The following HAPLN1 variants were observed in gnomAD, a reference collection of about 807,000 sequenced individuals.
The protein encoded by HAPLN1 is hyaluronan and proteoglycan link protein 1.
Under a neutral mutation model 36.5 loss-of-function variants are expected in HAPLN1, and 13 were observed. The ratio of observed to expected loss-of-function variants is 0.36; its 90% CI spans 0.23 to 0.57. HAPLN1 has a LOEUF of 0.57. Among genes scored for constraint, HAPLN1 ranks in the 20% least tolerant of loss-of-function variants. The pLI is 0.83. For missense variants in HAPLN1, 407 were observed against 439.7 expected, an observed-to-expected ratio of 0.93 and a Z score of 0.66; for synonymous variants, 202 against 169.8, an observed-to-expected ratio of 1.19 and a Z score of -1.48.
At chr5:83,712,447 G>A (rs2112639735) in intron 1 of HAPLN1, among the ~76,000 whole-genome samples, 1 of 152,088 alleles carries the variant, frequency 6.6e-6, no homozygotes, top group East Asian at 1.9e-4. Context: ...AATATACATT[G>A]ATGGCATTCT....
At chr5:83,689,813 C>T (rs1013479961) in intron 1 of HAPLN1, among the ~76,000 whole-genome samples, 2 of 152,098 alleles carry the variant, frequency 1.3e-5, no homozygotes, top group Non-Finnish European at 2.9e-5. Flanking sequence ...TTTACACACA[C>T]ATGCCCCAAA....
intron 3 of HAPLN1, among the ~76,000 whole-genome samples, chr5:83,645,603 T>C (rs1749850880): frequency 6.6e-6 from 1 of 151,840 alleles, no homozygotes; most frequent in Non-Finnish European, 1.5e-5. Flanking sequence ...TAAAGTGGAC[T>C]CCTTTGCATA....
intron 1 of HAPLN1, among the ~76,000 whole-genome samples, chr5:83,720,150 A>G (rs556577454): frequency 6.6e-6 from 1 of 152,240 alleles, no homozygotes; most frequent in Non-Finnish European, 1.5e-5. Context: ...TTTAACAGTA[A>G]TCTTAACTAT....
intron 1 of HAPLN1, among the ~76,000 whole-genome samples, chr5:83,700,716 G>T (rs1751489528): frequency 6.6e-6 from 1 of 151,138 alleles, no homozygotes; most frequent in Admixed American, 6.6e-5. Flanking sequence ...GACTAAGCTA[G>T]GTTTCAATTT....
intron 2 of HAPLN1, among the ~76,000 whole-genome samples, chr5:83,665,025 A>T (rs1348781864): frequency 6.6e-6 from 1 of 152,238 alleles, no homozygotes; most frequent in Non-Finnish European, 1.5e-5. Context: ...AAATAATCAT[A>T]TGCAGATTTT....
intron 1 of HAPLN1, among the ~76,000 whole-genome samples, chr5:83,704,741 C>T (rs1751588805): frequency 6.6e-6 from 1 of 151,972 alleles, no homozygotes; most frequent in Non-Finnish European, 1.5e-5. Flanking sequence ...ATAGGAGCAC[C>T]CAGATTCATA....
chr5:83,652,831 T>A lies in HAPLN1; in HGVS notation c.101-7A>T, dbSNP rs755660679. 2.6e-6 allele frequency: 4 copies of A among 1,555,712 alleles called. No individual in the cohort carries two copies. The highest frequency in any genetic ancestry group is 2.1e-5 in the Admixed American group (1 of 47,088). On this transcript the variant is annotated splice_region_variant and splice_polypyrimidine_tract_variant and intron_variant, in intron 2 of 4. Coordinates refer to ENST00000274341, the MANE Select transcript of HAPLN1 (RefSeq NM_001884.4). ...AGATGGGGGCCATTTTCTGCTATAA[T>A]TAAAAAGGAAAAAAAAAAGAAAATA...
chr5:83,645,750 C>T (rs1432155561), intron 3 of HAPLN1, among the ~76,000 whole-genome samples: 1 of 151,300 alleles, frequency 6.6e-6, no homozygotes, highest in African/African-American at 2.4e-5. Flanking sequence ...TATTTTTTTT[C>T]CCTGCCCTTA....
At chr5:83,662,730 T>C (rs1750439485) in intron 2 of HAPLN1, among the ~76,000 whole-genome samples, 1 of 152,216 alleles carries the variant, frequency 6.6e-6, no homozygotes, top group Non-Finnish European at 1.5e-5. Context: ...TTGTTGGAAA[T>C]GTGCCTTGAT....
chr5:83,667,830 A>G (rs575566143), intron 2 of HAPLN1, among the ~76,000 whole-genome samples: 6 of 152,350 alleles, frequency 3.9e-5, no homozygotes, highest in Admixed American at 2.6e-4. Context: ...TGTAAATCCA[A>G]TACTCTTCAA....
chr5:83,660,817 C>T (rs1216473472), intron 2 of HAPLN1, among the ~76,000 whole-genome samples: 2 of 152,122 alleles, frequency 1.3e-5, no homozygotes, highest in African/African-American at 4.8e-5. Context: ...GTTTCCTCAT[C>T]AGTAAATGGA....
At chr5:83,719,549 A>T (rs185497577) in intron 1 of HAPLN1, among the ~76,000 whole-genome samples, 1 of 152,356 alleles carries the variant, frequency 6.6e-6, no homozygotes. Flanking sequence ...GGTATACATT[A>T]TATTTTACTG....
Position 83,673,531 on chromosome 5 carries a change from G to A in HAPLN1, c.-8C>T. 1 of 1,599,628 alleles carries A rather than the reference G, an allele frequency of 6.3e-7. No individual in the cohort carries two copies. The highest frequency in any genetic ancestry group is 8.6e-7 in the Non-Finnish European group (1 of 1,167,322). Reference sequence around the variant, plus strand: ...AAGAAGTAGACTCTTCATCTTTATAGCCCAAAGAATCTTCTTCACTGCGAG... The same window carrying A: ...AAGAAGTAGACTCTTCATCTTTATAACCCAAAGAATCTTCTTCACTGCGAG... On this transcript the variant is annotated 5_prime_UTR_variant, in exon 2 of 5. Coordinates refer to ENST00000274341, the MANE Select transcript of HAPLN1 (RefSeq NM_001884.4).
At chr5:83,677,253 G>C (rs1172111977) in intron 1 of HAPLN1, among the ~76,000 whole-genome samples, 1 of 152,156 alleles carries the variant, frequency 6.6e-6, no homozygotes, top group Non-Finnish European at 1.5e-5. Context: ...GAGTCTTAGG[G>C]TGGTGAGGTA....
At chr5:83,650,858 T>G (rs1044928725) in intron 3 of HAPLN1, among the ~76,000 whole-genome samples, 2 of 151,944 alleles carry the variant, frequency 1.3e-5, no homozygotes, top group African/African-American at 4.8e-5. Context: ...ATGGTATCAA[T>G]CTTCTGACCT....
At chr5:83,718,500 C>A (rs1382899594) in intron 1 of HAPLN1, among the ~76,000 whole-genome samples, 2 of 152,206 alleles carry the variant, frequency 1.3e-5, no homozygotes, top group Non-Finnish European at 2.9e-5. Context: ...GTCCTCTCTA[C>A]TCCTAATAAT....
intron 1 of HAPLN1, among the ~76,000 whole-genome samples, chr5:83,696,839 A>G (rs1319901922): frequency 2.0e-5 from 3 of 152,172 alleles, no homozygotes; most frequent in Non-Finnish European, 4.4e-5. Flanking sequence ...GTGAATTGCC[A>G]TATTTTAACT....
At chr5:83,677,088 T>C (rs1017768813) in intron 1 of HAPLN1, among the ~76,000 whole-genome samples, 1 of 152,240 alleles carries the variant, frequency 6.6e-6, no homozygotes, top group Non-Finnish European at 1.5e-5. Flanking sequence ...ATCATTATCA[T>C]ATTAGGTAAT....
chr5:83,663,039 T>C (rs1750450608), intron 2 of HAPLN1, among the ~76,000 whole-genome samples: 1 of 152,058 alleles, frequency 6.6e-6, no homozygotes, highest in South Asian at 2.1e-4. Context: ...AAAAGGCAAG[T>C]CAAACACAAA....
Sources: gnomAD v4.1 joint callset for allele counts (sites outside exome capture counted in the v4.1 genomes callset) on GRCh38, gnomAD v4.1.1 for gene constraint, MANE v1.5 for transcripts, NCBI Gene and HGNC (gene_info 2026-07-23, HGNC 2026-07-21) for gene names.